Variants in ZNF600 observed in about 807,000 individuals in gnomAD.
ZNF600 encodes zinc finger protein 600.
Under a neutral mutation model 7.3 loss-of-function variants are expected in ZNF600, and 4 were observed. The observed-to-expected ratio is 0.55, with a 90% CI of 0.27 to 1.25. ZNF600 has a LOEUF of 1.25. Among genes scored for constraint, ZNF600 ranks in the 50% most tolerant of loss-of-function variants. The pLI is 0.12. For missense variants in ZNF600, 911 were observed against 922.1 expected, an observed-to-expected ratio of 0.99 and a Z score of 0.16; for synonymous variants, 290 against 308.9, an observed-to-expected ratio of 0.94 and a Z score of 0.64.
chr19:52,782,617 TA>T (rs2062732046), intron 1 of ZNF600, among the ~76,000 whole-genome samples: 1 of 152,070 alleles, frequency 6.6e-6, no homozygotes, highest in Admixed American at 6.6e-5. Flanking sequence ...CTCACGCCTG[TA>T]ATCCCAACAC....
At chr19:52,767,649 T>C in exon 4 of ZNF600, 1 of 1,614,130 alleles carries the variant, frequency 6.2e-7, no homozygotes, top group Non-Finnish European at 8.5e-7. Flanking sequence ...TTTCTCAATT[T>C]CCTGGAAGCA....
chr19:52,820,429 CTT>C, the ZNF600 span, among the ~76,000 whole-genome samples: 1 of 150,052 alleles, frequency 6.7e-6, no homozygotes, highest in African/African-American at 2.5e-5. Flanking sequence ...TATTTAACCT[CTT>C]GTTGGTCCTT....
At chr19:52,825,283 G>C in the ZNF600 span, among the ~76,000 whole-genome samples, 208 of 152,206 alleles carry the variant, frequency 1.4e-3, no homozygotes, top group African/African-American at 4.8e-3. Flanking sequence ...TCTTCATTCA[G>C]AAAATGCTCC....
At chr19:52,821,031 A>C in the ZNF600 span, among the ~76,000 whole-genome samples, 1 of 152,144 alleles carries the variant, frequency 6.6e-6, no homozygotes, top group East Asian at 1.9e-4. Context: ...CCCGCGTCAC[A>C]GGACAAGCCC....
At chr19:52,798,916 G>T in the ZNF600 span, 1 of 1,437,282 alleles carries the variant, frequency 7.0e-7, no homozygotes, top group Non-Finnish European at 9.4e-7. Flanking sequence ...TAAAGGCTTT[G>T]CCACACTCAT....
chr19:52,809,946 G>T, the ZNF600 span: 5 of 833,894 alleles, frequency 6.0e-6, no homozygotes, highest in Admixed American at 6.0e-5. Flanking sequence ...GGTTGCCCCG[G>T]GGGGCGCAGG....
intron 3 of ZNF600, among the ~76,000 whole-genome samples, chr19:52,772,297 A>G (rs1026288275): frequency 1.3e-5 from 2 of 151,918 alleles, no homozygotes; most frequent in African/African-American, 4.8e-5. Flanking sequence ...AAGAAGAGGG[A>G]AACTCCATTT....
the ZNF600 span, chr19:52,810,671 G>A: frequency 1.0e-6 from 1 of 972,442 alleles, no homozygotes; most frequent in Non-Finnish European, 1.7e-6. Flanking sequence ...GTCTACAGGG[G>A]CCGGGCTAGA....
intron 3 of ZNF600, among the ~76,000 whole-genome samples, chr19:52,770,495 C>T (rs1482493368): frequency 6.6e-6 from 1 of 152,146 alleles, no homozygotes; most frequent in Non-Finnish European, 1.5e-5. Flanking sequence ...ATTATGATGT[C>T]ACAACTACAC....
the ZNF600 span, among the ~76,000 whole-genome samples, chr19:52,822,653 C>A: frequency 6.6e-6 from 1 of 152,238 alleles, no homozygotes; most frequent in South Asian, 2.1e-4. Flanking sequence ...TTGACAACAG[C>A]CTTGGTCGCA....
the ZNF600 span, among the ~76,000 whole-genome samples, chr19:52,819,252 G>C: frequency 1.4e-5 from 2 of 138,356 alleles, no homozygotes; most frequent in Admixed American, 7.4e-5. Flanking sequence ...TTTTGTCCTG[G>C]GGAACACGGG....
chr19:52,788,391 C>T (rs866685824), upstream of ZNF600, among the ~76,000 whole-genome samples: 1 of 151,950 alleles, frequency 6.6e-6, no homozygotes, highest in Non-Finnish European at 1.5e-5. Flanking sequence ...GTCTTCCTCA[C>T]GTAACATGAG....
At chr19:52,778,566 C>T (rs2062694974) in intron 2 of ZNF600, among the ~76,000 whole-genome samples, 1 of 152,158 alleles carries the variant, frequency 6.6e-6, no homozygotes, top group South Asian at 2.1e-4. Context: ...CATCAATGGG[C>T]CCACACCCCA....
At chr19:52,817,583 T>C in the ZNF600 span, among the ~76,000 whole-genome samples, 31 of 152,086 alleles carry the variant, frequency 2.0e-4, no homozygotes, top group African/African-American at 7.5e-4. Context: ...AATACTTGAC[T>C]CCCATTGGCA....
At chr19:52,815,824 C>CA in the ZNF600 span, among the ~76,000 whole-genome samples, 10 of 144,172 alleles carry the variant, frequency 6.9e-5, 1 homozygote, top group Admixed American at 6.2e-4. Context: ...GGCTCCATCT[C>CA]AAAAAAAATA....
At chr19:52,810,392 C>T in the ZNF600 span, 21 of 1,604,728 alleles carry the variant, frequency 1.3e-5, no homozygotes, top group African/African-American at 1.9e-4. Flanking sequence ...CAGTCAACCA[C>T]GTTACCATAC....
At chr19:52,812,307 G>A in the ZNF600 span, among the ~76,000 whole-genome samples, 1 of 141,696 alleles carries the variant, frequency 7.1e-6, no homozygotes, top group Non-Finnish European at 1.5e-5. Context: ...GACAATGGCG[G>A]TTTTGTGGAA....
chr19:52,767,329 A>G lies in ZNF600; in HGVS notation c.634T>C (p.Ser212Pro), dbSNP rs776456595. 2.3e-5 allele frequency: 37 copies of G among 1,613,976 alleles called. No individual in the cohort carries two copies. Among genetic ancestry groups the G allele is most frequent in the Non-Finnish European group, 3.1e-5 (36 of 1,179,998 alleles). Reference sequence around the variant, plus strand: ...TGTGGGAGTAGTGAAGAATTCGGGGAATTATTCCCATAGTTATTAGAAATA... The same window carrying G: ...TGTGGGAGTAGTGAAGAATTCGGGGGATTATTCCCATAGTTATTAGAAATA... The change falls in exon 4 of 4, where the codon TCC becomes CCC. Residue 212 changes from serine to proline, a missense_variant. Physicochemically the swap from Ser to Pro is moderately conservative, Grantham distance 74. Coordinates refer to ENST00000648973, the Ensembl canonical transcript of ZNF600.
At chr19:52,807,837 A>T in the ZNF600 span, 1 of 1,128,364 alleles carries the variant, frequency 8.9e-7, no homozygotes, top group Admixed American at 2.7e-5. Context: ...TGAAGAATGC[A>T]GAACCTCTAA....
Sources: allele counts gnomAD v4.1 joint callset (sites outside exome capture counted in the v4.1 genomes callset), GRCh38; gene constraint gnomAD v4.1.1; transcripts MANE v1.5; gene names NCBI Gene and HGNC (gene_info 2026-07-23, HGNC 2026-07-21).